Variants in SPPL3 observed in about 807,000 individuals in gnomAD.
SPPL3 encodes the protein signal peptide peptidase like 3, also known as signal peptide peptidase-like 3.
A neutral mutation model predicts 42.4 loss-of-function variants in SPPL3; 5 were observed. The observed-to-expected ratio is 0.12, with a 90% CI of 0.06 to 0.25. SPPL3 has a LOEUF of 0.25. Ranked by LOEUF, SPPL3 falls within the 10% of genes least tolerant of loss-of-function variation. The pLI, the probability that SPPL3 is intolerant of heterozygous loss-of-function variation, is 1.00. For synonymous variants in SPPL3, 195 were observed against 181.8 expected (o/e 1.07, Z -0.58); for missense variants, 235 against 489.0 (o/e 0.48, Z 4.90).
chr12:120,818,687 C>T (rs984912822), intron 1 of SPPL3, among the ~76,000 whole-genome samples: 1 of 152,184 alleles, frequency 6.6e-6, no homozygotes, highest in African/African-American at 2.4e-5. Context: ...ACAGACATTG[C>T]CTTAGACCAG....
intron 1 of SPPL3, among the ~76,000 whole-genome samples, chr12:120,856,158 T>C (rs981166485): frequency 1.3e-5 from 2 of 152,148 alleles, no homozygotes; most frequent in Admixed American, 1.3e-4. Context: ...AATAGCCCCA[T>C]GTGGCCAGTG....
intron 1 of SPPL3, among the ~76,000 whole-genome samples, chr12:120,828,464 A>G (rs1377251757): frequency 6.6e-6 from 1 of 152,182 alleles, no homozygotes; most frequent in Non-Finnish European, 1.5e-5. Flanking sequence ...GGAAGGAAGT[A>G]ATACAGAGCA....
intron 1 of SPPL3, among the ~76,000 whole-genome samples, chr12:120,833,385 T>C (rs1238159675): frequency 6.6e-6 from 1 of 152,096 alleles, no homozygotes; most frequent in African/African-American, 2.4e-5. Context: ...GAAACTAATA[T>C]AATATTCTAG....
intron 1 of SPPL3, among the ~76,000 whole-genome samples, chr12:120,859,912 C>T (rs1337039408): frequency 6.6e-6 from 1 of 152,010 alleles, no homozygotes; most frequent in African/African-American, 2.4e-5. Context: ...CACTGCACCA[C>T]AGCCTGAGCA....
At position 120,783,683 on chromosome 12, in the gene SPPL3, G is replaced by T. The variant is rs192895618; in HGVS notation, c.380C>A (p.Pro127His). Reference sequence around the variant, plus strand: ...AGTCCCAAGTCCTTACTTGTTCTGAGGTGAGCAGGGTCTTGTTAAATACTG... The same window carrying T: ...AGTCCCAAGTCCTTACTTGTTCTGATGTGAGCAGGGTCTTGTTAAATACTG... Reference protein sequence around the residue: ...MCQYLTRPCSPQNKISFGCCG... With the variant: ...MCQYLTRPCSHQNKISFGCCG... Residue 127 changes from proline to histidine, a missense_variant, in exon 5 of 11, where the codon CCT becomes CAT. By Grantham distance (77) the Pro-to-His change is moderately conservative. Around this residue, in one of 6 missense-constraint regions of SPPL3, gnomAD observed 110 missense variants for 186.2 expected, o/e 0.59. Transcript: ENST00000353487. 8 of 1,612,584 alleles carry T rather than the reference G, an allele frequency of 5.0e-6. No individual in the cohort carries two copies. In the Admixed American group the frequency reaches 1.0e-4, roughly 20 times the overall value.
At chr12:120,863,907 G>A (rs915249008) in intron 1 of SPPL3, among the ~76,000 whole-genome samples, 1 of 151,120 alleles carries the variant, frequency 6.6e-6, no homozygotes, top group Admixed American at 6.6e-5. Context: ...TGAAATCCTG[G>A]CCTCCAGCAA....
At chr12:120,813,105 G>A (rs147125901) in intron 1 of SPPL3, among the ~76,000 whole-genome samples, 405 of 152,146 alleles carry the variant, frequency 2.7e-3, no homozygotes, top group Admixed American at 7.5e-3. Flanking sequence ...TAAATATAAG[G>A]ATAAGGGAGG....
At chr12:120,860,011 C>A (rs916377494) in intron 1 of SPPL3, among the ~76,000 whole-genome samples, 1 of 152,132 alleles carries the variant, frequency 6.6e-6, no homozygotes, top group African/African-American at 2.4e-5. Flanking sequence ...GAGGCCAAGG[C>A]GCAGGGACTG....
intron 1 of SPPL3, among the ~76,000 whole-genome samples, chr12:120,881,294 C>T (rs1021596552): frequency 1.3e-5 from 2 of 150,800 alleles, no homozygotes; most frequent in Admixed American, 1.3e-4. Context: ...CATGGTGAAA[C>T]CCTGTTGCTA....
chr12:120,898,312 TTTAAAAAAA>T (rs1158841389), intron 1 of SPPL3, among the ~76,000 whole-genome samples: 9 of 108,604 alleles, frequency 8.3e-5, no homozygotes, highest in African/African-American at 2.7e-4. Flanking sequence ...TTTTTTTTTT[TTTAAAAAAA>T]AAAAAAAAAA....
chr12:120,896,518 G>A (rs1019153030), intron 1 of SPPL3, among the ~76,000 whole-genome samples: 3 of 152,120 alleles, frequency 2.0e-5, no homozygotes, highest in African/African-American at 7.2e-5. Context: ...CCTCATGCCT[G>A]TAATCCCAAC....
chr12:120,903,772 C>A (rs1874064043), intron 1 of SPPL3, 73 bp downstream of exon 1: 5 of 1,065,840 alleles, frequency 4.7e-6, no homozygotes, highest in Non-Finnish European at 6.4e-6. Flanking sequence ...CCTCCTCTTC[C>A]CCTCGGCGGG....
intron 1 of SPPL3, chr12:120,901,784 T>C: frequency 1.8e-6 from 1 of 550,510 alleles, no homozygotes; most frequent in Non-Finnish European, 2.3e-6. Context: ...AGTATTTTAG[T>C]AGAATAAATT....
intron 1 of SPPL3, among the ~76,000 whole-genome samples, chr12:120,889,157 C>G (rs1873555158): frequency 6.6e-6 from 1 of 152,054 alleles, no homozygotes; most frequent in African/African-American, 2.4e-5. Flanking sequence ...ATATAAACAT[C>G]AGAATGAAAA....
At chr12:120,901,943 G>A in intron 1 of SPPL3, 1 of 985,318 alleles carries the variant, frequency 1.0e-6, no homozygotes, top group Non-Finnish European at 1.2e-6. Context: ...CAACCATCCA[G>A]GGCCTCTGTA....
chr12:120,824,890 CT>C (rs1439698836), intron 1 of SPPL3, among the ~76,000 whole-genome samples: 1 of 152,144 alleles, frequency 6.6e-6, no homozygotes, highest in Admixed American at 6.5e-5. Context: ...CTTCCATGCC[CT>C]ATTCATTTGA....
At chr12:120,877,105 T>C (rs1157548146) in intron 1 of SPPL3, among the ~76,000 whole-genome samples, 3 of 151,926 alleles carry the variant, frequency 2.0e-5, no homozygotes, top group African/African-American at 7.2e-5. Flanking sequence ...TTAGACTACG[T>C]AGATGAAATG....
chr12:120,795,485 A>G (rs959447378), intron 2 of SPPL3, among the ~76,000 whole-genome samples: 2 of 152,146 alleles, frequency 1.3e-5, no homozygotes, highest in African/African-American at 2.4e-5. Flanking sequence ...TTTTTAAAAG[A>G]TATTTTTGCT....
intron 6 of SPPL3, among the ~76,000 whole-genome samples, chr12:120,774,574 C>T (rs1178027805): frequency 1.1e-4 from 16 of 152,054 alleles, no homozygotes; most frequent in Admixed American, 2.0e-4. Context: ...GTCTAAGTTC[C>T]GTGTATGAAG....
Sources: allele counts gnomAD v4.1 joint callset (sites outside exome capture counted in the v4.1 genomes callset), GRCh38; gene constraint gnomAD v4.1.1; regional missense constraint gnomAD v4.1.1; transcripts MANE v1.5; gene names NCBI Gene and HGNC (gene_info 2026-07-23, HGNC 2026-07-21).